Variants in AGBL1 observed in about 807,000 individuals in gnomAD.
The protein encoded by AGBL1 is cytosolic carboxypeptidase 4.
Under a neutral mutation model 118.9 loss-of-function variants are expected in AGBL1, and 130 were observed. The observed-to-expected ratio is 1.09, with a 90% CI of 0.95 to 1.26. The LOEUF (loss-of-function observed/expected upper bound fraction) is 1.26, where lower values mean the gene tolerates loss of function less well. Among genes scored for constraint, AGBL1 ranks in the 50% most tolerant of loss-of-function variants. The pLI is 0.00. For missense variants in AGBL1, 1,584 were observed against 1,298.1 expected (o/e 1.22, Z -3.38); for synonymous variants, 555 against 478.9 (o/e 1.16, Z -2.08).
At chr15:86,942,044 C>T (rs532017962) in intron 23 of AGBL1, among the ~76,000 whole-genome samples, 10 of 152,202 alleles carry the variant, frequency 6.6e-5, no homozygotes, top group Non-Finnish European at 1.3e-4. Context: ...ACAGTATTCT[C>T]TCCATTAGGA....
At chr15:86,663,809 C>G (rs1268987299) in intron 21 of AGBL1, among the ~76,000 whole-genome samples, 1 of 152,160 alleles carries the variant, frequency 6.6e-6, no homozygotes, top group African/African-American at 2.4e-5. Context: ...TCTGGCTCTA[C>G]TGCTACTTAA....
chr15:86,360,215 T>C lies in AGBL1; in HGVS notation c.2375-37151T>C, dbSNP rs114247550. On this transcript the variant is annotated intron_variant, in intron 17 of 22. Coordinates refer to ENST00000614907, the MANE Select transcript of AGBL1 (RefSeq NM_001386094.1). ...TTAGTGTGTTGAAGTAAGCCCCTTG[T>C]ATGTCTATTTTGTTGTTTTGTTGAG... Among the ~76,000 whole-genome samples, 1,506 of 152,072 alleles carry C rather than the reference T, an allele frequency of 9.9e-3. 26 individuals are homozygous for C. The highest frequency in any genetic ancestry group is 0.033 in the African/African-American group (1,371 of 41,538).
At chr15:86,580,913 A>T (rs2084164264) in intron 21 of AGBL1, among the ~76,000 whole-genome samples, 1 of 152,178 alleles carries the variant, frequency 6.6e-6, no homozygotes, top group Non-Finnish European at 1.5e-5. Flanking sequence ...TTTTGTTCCA[A>T]CATTACATTA....
At chr15:86,899,247 G>C (rs979807198) in intron 22 of AGBL1, among the ~76,000 whole-genome samples, 1 of 152,188 alleles carries the variant, frequency 6.6e-6, no homozygotes, top group Non-Finnish European at 1.5e-5. Context: ...AACGTGGATG[G>C]AGCTGAAGGC....
intron 13 of AGBL1, 74 bp downstream of exon 13, chr15:86,267,150 C>T: frequency 8.8e-7 from 1 of 1,142,772 alleles, no homozygotes; most frequent in Non-Finnish European, 1.3e-6. Context: ...CTTCCCCATG[C>T]TCTGTTCAGT....
At chr15:86,271,076 A>G (rs1175391835) in intron 14 of AGBL1, among the ~76,000 whole-genome samples, 2 of 122,914 alleles carry the variant, frequency 1.6e-5, no homozygotes, top group Non-Finnish European at 3.2e-5. Flanking sequence ...GGCGAGACAG[A>G]GTCTCGCTCT....
chr15:86,748,900 T>C lies in AGBL1; in HGVS notation c.3158+74464T>C, dbSNP rs529932273. On this transcript the variant is annotated intron_variant, in intron 22 of 22. Transcript: ENST00000614907. ...GTTTTGGTACCAGTTCCATGCTCTT[T>C]TGGTTACTGTAGCCTTGTAGTATAG... Among the ~76,000 whole-genome samples, 254 of 152,240 alleles carry C rather than the reference T, an allele frequency of 1.7e-3. 2 individuals carry two copies. The Middle Eastern group carries it at 0.017, about 10-fold the overall frequency.
At position 86,895,405 on chromosome 15, in the gene AGBL1, T is replaced by C. The variant is rs577921946; in HGVS notation, c.3159-11682T>C. Among the ~76,000 whole-genome samples the C allele has an allele frequency of 4.3e-4, 66 of 151,962 alleles. 1 individual carries two copies. The highest frequency in any genetic ancestry group is 1.6e-3 in the African/African-American group (65 of 41,542). Reference sequence around the variant, plus strand: ...TTTATCTGACATGTTTAGTTTTTTTTTTTTTAATTATTTTTGCATTTGCGT... The same window carrying C: ...TTTATCTGACATGTTTAGTTTTTTTCTTTTTAATTATTTTTGCATTTGCGT... On this transcript the variant is annotated intron_variant, in intron 22 of 22. Transcript: ENST00000614907.
In AGBL1 at chr15:86,247,805, A is replaced by T. The variant is rs376348336; in HGVS notation, c.661A>T (p.Ile221Phe). 9.9e-6 allele frequency: 16 copies of T among 1,613,878 alleles called. No homozygotes were observed. The highest frequency in any genetic ancestry group is 1.4e-5 in the Non-Finnish European group (16 of 1,179,908). The change falls in exon 7 of 23, where the codon ATT (isoleucine) becomes TTT (phenylalanine). Residue 221 changes from isoleucine (I) to phenylalanine (F), a missense_variant. Coordinates refer to ENST00000614907, the MANE Select transcript of AGBL1 (RefSeq NM_001386094.1). ...RRGLLLCLRH[I>F]AALRSGREAF... ...GGGCTTGCTGCTCTGCCTCAGGCAC[A>T]TTGCTGCCCTCCGGTCCGGCAGGGA...
intron 22 of AGBL1, among the ~76,000 whole-genome samples, chr15:86,827,733 C>T (rs2079048556): frequency 2.0e-5 from 3 of 146,574 alleles, no homozygotes; most frequent in South Asian, 4.4e-4. Flanking sequence ...AGACCACTAC[C>T]ACCACCAAAG....
At chr15:86,358,853 A>G (rs558833024) in intron 17 of AGBL1, among the ~76,000 whole-genome samples, 1 of 152,016 alleles carries the variant, frequency 6.6e-6, no homozygotes, top group African/African-American at 2.4e-5. Flanking sequence ...TCCTTAGCCC[A>G]TTTTTAAATT....
intron 17 of AGBL1, among the ~76,000 whole-genome samples, chr15:86,386,751 C>A (rs1347034486): frequency 6.6e-6 from 1 of 152,150 alleles, no homozygotes; most frequent in South Asian, 2.1e-4. Context: ...CTGGGACCTT[C>A]ATAGTACTTA....
intron 1 of AGBL1, among the ~76,000 whole-genome samples, chr15:86,108,356 T>TATGAATAG (rs1555430060): frequency 6.6e-6 from 1 of 152,214 alleles, no homozygotes; most frequent in East Asian, 1.9e-4. Flanking sequence ...AAACTATTTA[T>TATGAATAG]ATAAATAGAT....
At chr15:86,736,257 G>C (rs537994369) in intron 22 of AGBL1, among the ~76,000 whole-genome samples, 1 of 152,014 alleles carries the variant, frequency 6.6e-6, no homozygotes, top group Non-Finnish European at 1.5e-5. Flanking sequence ...GTGCATGCCT[G>C]TAAGCCCAGC....
chr15:86,960,537 T>G (rs1452761252), intron 23 of AGBL1, among the ~76,000 whole-genome samples: 1 of 151,992 alleles, frequency 6.6e-6, no homozygotes, highest in African/African-American at 2.4e-5. Flanking sequence ...TCGGTAAGGA[T>G]GTAAATTAGT....
intron 21 of AGBL1, among the ~76,000 whole-genome samples, chr15:86,570,010 C>G (rs969765341): frequency 1.3e-5 from 2 of 152,176 alleles, no homozygotes; most frequent in African/African-American, 4.8e-5. Flanking sequence ...AAGGAACAGA[C>G]AAACAAAATC....
chr15:86,535,899 A>C (rs1235762170), intron 19 of AGBL1, among the ~76,000 whole-genome samples: 1 of 152,194 alleles, frequency 6.6e-6, no homozygotes, highest in Non-Finnish European at 1.5e-5. Context: ...GCAGAAGAAT[A>C]AGTGTTATTT....
chr15:86,328,779 G>C (rs1266004955), intron 17 of AGBL1, among the ~76,000 whole-genome samples: 1 of 152,148 alleles, frequency 6.6e-6, no homozygotes, highest in Admixed American at 6.6e-5. Flanking sequence ...CCAAGCCCTA[G>C]AGCTAACTTG....
At chr15:86,682,417 T>C (rs1252934050) in intron 22 of AGBL1, among the ~76,000 whole-genome samples, 2 of 152,184 alleles carry the variant, frequency 1.3e-5, no homozygotes, top group Admixed American at 6.5e-5. Flanking sequence ...TCTTCTATAA[T>C]AGATAAATTA....
Sources: allele counts gnomAD v4.1 joint callset (sites outside exome capture counted in the v4.1 genomes callset), GRCh38; gene constraint gnomAD v4.1.1; transcripts MANE v1.5; gene names NCBI Gene and HGNC (gene_info 2026-07-23, HGNC 2026-07-21).